Variants in SUSD1 observed in about 807,000 individuals in gnomAD.
SUSD1 encodes sushi domain containing 1.
SUSD1 carries 65 observed loss-of-function variants against 86.9 expected under a neutral mutation model. The ratio of observed to expected loss-of-function variants is 0.75; its 90% CI spans 0.61 to 0.92. The LOEUF is 0.92. Ranked by LOEUF, SUSD1 falls within the 40% of genes least tolerant of loss-of-function variation. The pLI is 0.00. For synonymous variants in SUSD1, 346 were observed against 350.0 expected, an observed-to-expected ratio of 0.99 and a Z score of 0.13; for missense variants, 850 against 929.7, an observed-to-expected ratio of 0.91 and a Z score of 1.11.
chr9:112,130,830 G>A (rs1425033064), intron 5 of SUSD1, among the ~76,000 whole-genome samples: 1 of 144,482 alleles, frequency 6.9e-6, no homozygotes, highest in African/African-American at 2.7e-5. Context: ...TTCAAGAGCA[G>A]CCTGGGCAAC....
chr9:112,170,710 T>TATATATATATATAGAGAGAGAG (rs758442726), intron 1 of SUSD1, among the ~76,000 whole-genome samples: 2 of 113,826 alleles, frequency 1.8e-5, no homozygotes, highest in African/African-American at 7.6e-5. Context: ...TATATATATA[T>TATATATATATATAGAGAGAGAG]AGAGAGAGAG....
chr9:112,096,245 C>G (rs1830390827), intron 10 of SUSD1, among the ~76,000 whole-genome samples: 1 of 152,164 alleles, frequency 6.6e-6, no homozygotes, highest in Non-Finnish European at 1.5e-5. Flanking sequence ...GAGTTTAGAC[C>G]TCATCTCTCA....
At chr9:112,168,240 A>G (rs1026474832) in intron 1 of SUSD1, among the ~76,000 whole-genome samples, 1 of 152,260 alleles carries the variant, frequency 6.6e-6, no homozygotes. Flanking sequence ...CCAACTCCCA[A>G]TTACTCCAAT....
intron 10 of SUSD1, among the ~76,000 whole-genome samples, chr9:112,097,557 C>G (rs759488650): frequency 2.0e-5 from 3 of 151,756 alleles, no homozygotes; most frequent in Non-Finnish European, 4.4e-5. Flanking sequence ...ACCACCATGC[C>G]CAGCTAATTT....
At chr9:112,112,689 T>C (rs1209071207) in intron 7 of SUSD1, 82 bp downstream of exon 7, 1 of 884,738 alleles carries the variant, frequency 1.1e-6, no homozygotes, top group Non-Finnish European at 1.8e-6. Flanking sequence ...TGAGAAGCTC[T>C]CACGGAAGCA....
At chr9:112,059,404 T>C (rs1265176156) in intron 13 of SUSD1, among the ~76,000 whole-genome samples, 1 of 152,200 alleles carries the variant, frequency 6.6e-6, no homozygotes, top group Non-Finnish European at 1.5e-5. Flanking sequence ...AGCAGTCACA[T>C]GGAGACCGAG....
rs116451258 is a variant in SUSD1 at position 112,155,291 on chromosome 9, G to A, written c.217+2209C>T. On this transcript the variant is annotated intron_variant, in intron 2 of 16. Transcript: ENST00000374270. ...AAAGGGCAAGCTAGCACCCATGGGA[G>A]GAGGAATTCCTTTGGGAAGTGAACA... 4.3e-3 allele frequency among the ~76,000 whole-genome samples: 648 copies of A among 152,052 alleles called. 3 individuals carry two copies. Among genetic ancestry groups the A allele is most frequent in the African/African-American group, 0.015 (631 of 41,480 alleles).
intron 12 of SUSD1, among the ~76,000 whole-genome samples, chr9:112,075,629 C>T (rs973624545): frequency 6.6e-6 from 1 of 152,104 alleles, no homozygotes; most frequent in African/African-American, 2.4e-5. Flanking sequence ...CCTATAGTCC[C>T]AGCTACTCAG....
chr9:112,064,866 A>C (rs1485075529), intron 12 of SUSD1, among the ~76,000 whole-genome samples: 1 of 143,246 alleles, frequency 7.0e-6, no homozygotes, highest in African/African-American at 2.6e-5. Context: ...ACAGAGTGAG[A>C]CTCTGTCTCA....
At chr9:112,042,933 G>A (rs1031227502) in intron 15 of SUSD1, among the ~76,000 whole-genome samples, 2 of 101,204 alleles carry the variant, frequency 2.0e-5, no homozygotes, top group African/African-American at 5.3e-5. Context: ...ACTTGAAACC[G>A]CCTTTTTAAA....
At chr9:112,093,135 T>C (rs1201422566) in intron 10 of SUSD1, among the ~76,000 whole-genome samples, 2 of 152,224 alleles carry the variant, frequency 1.3e-5, no homozygotes, top group Non-Finnish European at 2.9e-5. Context: ...GTATTAAAGG[T>C]TGCTATTTAC....
At chr9:112,057,828 G>T (rs1021141863) in intron 14 of SUSD1, among the ~76,000 whole-genome samples, 1 of 152,144 alleles carries the variant, frequency 6.6e-6, no homozygotes, top group Non-Finnish European at 1.5e-5. Flanking sequence ...CAAGCTTAGG[G>T]TTCTCCTAGG....
At chr9:112,117,507 T>C (rs942150678) in intron 6 of SUSD1, among the ~76,000 whole-genome samples, 13 of 152,216 alleles carry the variant, frequency 8.5e-5, no homozygotes, top group African/African-American at 2.9e-4. Flanking sequence ...TTGTTTTGCT[T>C]TACTCTATGT....
chr9:112,149,184 C>G (rs1589727583), intron 3 of SUSD1, 60 bp downstream of exon 3: 1 of 1,586,136 alleles, frequency 6.3e-7, no homozygotes, highest in East Asian at 2.2e-5. Context: ...AACAAATACA[C>G]AGCCCAGATA....
At chr9:112,138,259 G>GTATACACATATATATATATGTA (rs1564328992) in intron 5 of SUSD1, among the ~76,000 whole-genome samples, 11 of 18,380 alleles carry the variant, frequency 6.0e-4, no homozygotes, top group African/African-American at 2.7e-3. Context: ...ATATATATGT[G>GTATACACATATATATATATGTA]TATATACATA....
At chr9:112,149,177 A>T in intron 3 of SUSD1, 67 bp downstream of exon 3, 1 of 1,577,234 alleles carries the variant, frequency 6.3e-7, no homozygotes, top group East Asian at 2.2e-5. Flanking sequence ...TAATATTAAC[A>T]AATACACAGC....
chr9:112,095,833 G>T (rs1298640228), intron 10 of SUSD1, among the ~76,000 whole-genome samples: 1 of 152,180 alleles, frequency 6.6e-6, no homozygotes, highest in Non-Finnish European at 1.5e-5. Context: ...GGGGTGTCCT[G>T]CCCAGAAAGA....
chr9:112,095,842 G>A (rs1830371910), intron 10 of SUSD1, among the ~76,000 whole-genome samples: 1 of 152,218 alleles, frequency 6.6e-6, no homozygotes. Flanking sequence ...TGCCCAGAAA[G>A]AAGGGAGACT....
At chr9:112,171,475 T>C (rs1834042967) in intron 1 of SUSD1, among the ~76,000 whole-genome samples, 1 of 152,186 alleles carries the variant, frequency 6.6e-6, no homozygotes, top group South Asian at 2.1e-4. Context: ...ACAATCACAC[T>C]GCAATATGGT....
Sources: gnomAD v4.1 joint callset for allele counts (sites outside exome capture counted in the v4.1 genomes callset) on GRCh38, gnomAD v4.1.1 for gene constraint, MANE v1.5 for transcripts, NCBI Gene and HGNC (gene_info 2026-07-23, HGNC 2026-07-21) for gene names.